Variants in ANKRD17 observed in about 807,000 individuals in gnomAD.
ANKRD17 encodes the protein ankyrin repeat domain 17, also known as ankyrin repeat domain-containing protein 17.
A neutral mutation model predicts 229.7 loss-of-function variants in ANKRD17; 19 were observed. The ratio of observed to expected loss-of-function variants is 0.08; its 90% CI spans 0.06 to 0.12. The LOEUF is 0.12. ANKRD17 is among the 10% of genes least tolerant of loss of function. The probability of loss-of-function intolerance (pLI) is 1.00; values close to 1 mark genes in which losing one functional copy is unlikely to be tolerated. For synonymous variants in ANKRD17, 1,112 were observed against 1,146.1 expected, an observed-to-expected ratio of 0.97 and a Z score of 0.60; for missense variants, 2,176 against 3,176.8, an observed-to-expected ratio of 0.68 and a Z score of 7.57.
chr4:73,158,575 A>G (rs1157096516), intron 3 of ANKRD17, among the ~76,000 whole-genome samples: 1 of 152,146 alleles, frequency 6.6e-6, no homozygotes, highest in Admixed American at 6.5e-5. Context: ...AAAATGTAAT[A>G]TGACCTCTGC....
chr4:73,149,154 C>T (rs998848218), intron 7 of ANKRD17, 104 bp from the exon 8 acceptor site: 1 of 893,426 alleles, frequency 1.1e-6, no homozygotes, highest in Non-Finnish European at 1.7e-6. Flanking sequence ...TCTATCTCCA[C>T]TCAAAAAGGA....
At position 73,148,797 on chromosome 4, in the gene ANKRD17, T is replaced by C. The variant is rs1730630071; in HGVS notation, c.1567+16A>G. On this transcript the variant is annotated intron_variant, in intron 8 of 33. Transcript: ENST00000358602. ...TTTACACATTTATACTTTAGTGTCT[T>C]GATAGATACGGTTACCTTGACCAAG... 1 of 1,603,010 alleles carries C rather than the reference T, an allele frequency of 6.2e-7. No homozygotes were observed. Among genetic ancestry groups the C allele is most frequent in the Non-Finnish European group, 8.5e-7 (1 of 1,170,194 alleles).
At chr4:73,123,474 G>T (rs577749349) in intron 18 of ANKRD17, among the ~76,000 whole-genome samples, 186 of 152,046 alleles carry the variant, frequency 1.2e-3, no homozygotes, top group African/African-American at 4.3e-3. Context: ...GACAGGCCAG[G>T]CTCCTTGTCT....
chr4:73,199,213 C>G (rs973787081), intron 1 of ANKRD17, among the ~76,000 whole-genome samples: 52 of 140,914 alleles, frequency 3.7e-4, no homozygotes, highest in Non-Finnish European at 7.6e-4. Flanking sequence ...CGAAAACATA[C>G]AGTTTGGCTG....
chr4:73,089,859 C>A (rs1033607395), intron 29 of ANKRD17, among the ~76,000 whole-genome samples: 2 of 151,998 alleles, frequency 1.3e-5, no homozygotes, highest in South Asian at 4.1e-4. Context: ...GTTTTTTAAG[C>A]ACTTAAATAT....
chr4:73,251,862 T>C (rs1482806578), intron 1 of ANKRD17, among the ~76,000 whole-genome samples: 2 of 152,228 alleles, frequency 1.3e-5, no homozygotes, highest in Middle Eastern at 3.2e-3. Flanking sequence ...CAGAAACAGA[T>C]AGTCTAGTGA....
chr4:73,094,643 C>T (rs56235322), intron 27 of ANKRD17, among the ~76,000 whole-genome samples: 14,328 of 151,156 alleles, frequency 0.095, 811 homozygotes, highest in South Asian at 0.14. Context: ...TGTGTACACA[C>T]ACACAAATGT....
Position 73,226,256 on chromosome 4 carries a change from T to C in ANKRD17, c.393+32020A>G, listed in dbSNP as rs1483974621. ...ACCCAAAGTGCTGGGATAACAGGCG[T>C]GAGCCACCGCGCCCGCCAGCATTTT... On this transcript the variant is annotated intron_variant, in intron 1 of 33. Coordinates refer to ENST00000358602, the MANE Select transcript of ANKRD17 (RefSeq NM_032217.5). Among the ~76,000 whole-genome samples the C allele has an allele frequency of 2.0e-5, 3 of 151,962 alleles. No homozygotes were observed. In the East Asian group the frequency reaches 5.8e-4, roughly 30 times the overall value.
chr4:73,155,022 C>T (rs1265006548), intron 5 of ANKRD17, among the ~76,000 whole-genome samples: 1 of 135,344 alleles, frequency 7.4e-6, no homozygotes, highest in East Asian at 2.1e-4. Flanking sequence ...GCCTGGGTGA[C>T]AGAGCGAGAC....
At chr4:73,120,072 T>C (rs1478617279) in intron 21 of ANKRD17, 90 bp downstream of exon 21, 12 of 1,371,884 alleles carry the variant, frequency 8.7e-6, no homozygotes, top group East Asian at 2.3e-5. Flanking sequence ...ATAATCACAT[T>C]TGATTTTTTA....
intron 28 of ANKRD17, among the ~76,000 whole-genome samples, chr4:73,092,926 G>C (rs988238293): frequency 4.6e-5 from 7 of 152,220 alleles, no homozygotes; most frequent in African/African-American, 2.4e-5. Context: ...TAAAACCTTA[G>C]TGCTGGATCT....
intron 18 of ANKRD17, among the ~76,000 whole-genome samples, chr4:73,122,110 G>A (rs1166024405): frequency 6.6e-6 from 1 of 152,074 alleles, no homozygotes; most frequent in African/African-American, 2.4e-5. Flanking sequence ...TTATACATGT[G>A]AATGTATTTA....
chr4:73,097,079 T>C (rs1379595595), intron 27 of ANKRD17, 38 bp downstream of exon 27: 6 of 1,593,372 alleles, frequency 3.8e-6, no homozygotes, highest in Non-Finnish European at 5.1e-6. Flanking sequence ...GACTGTGATA[T>C]ATAGCACATA....
At chr4:73,113,937 G>A in intron 23 of ANKRD17, 29 bp from the exon 24 acceptor site, 1 of 1,504,864 alleles carries the variant, frequency 6.6e-7, no homozygotes, top group Non-Finnish European at 9.2e-7. Context: ...ATTTTTCCAG[G>A]CTCACAGAAC....
At chr4:73,219,024 T>C (rs1295840603) in intron 1 of ANKRD17, among the ~76,000 whole-genome samples, 1 of 152,144 alleles carries the variant, frequency 6.6e-6, no homozygotes, top group Non-Finnish European at 1.5e-5. Context: ...TAAGAGTCAC[T>C]GCACTCCAGC....
At chr4:73,147,696 C>T (rs1730468795) in intron 8 of ANKRD17, among the ~76,000 whole-genome samples, 1 of 151,494 alleles carries the variant, frequency 6.6e-6, no homozygotes, top group African/African-American at 2.4e-5. Flanking sequence ...TAAAAGAACT[C>T]AAAAAAATAA....
intron 21 of ANKRD17, 60 bp downstream of exon 21, chr4:73,120,102 G>C: frequency 6.6e-7 from 1 of 1,510,750 alleles, no homozygotes. Context: ...ATTGCCTAGA[G>C]AGAATGATAA....
chr4:73,251,290 T>C (rs936336380), intron 1 of ANKRD17, among the ~76,000 whole-genome samples: 4 of 152,150 alleles, frequency 2.6e-5, no homozygotes, highest in African/African-American at 9.7e-5. Context: ...AAATTATAAA[T>C]CATTATAAAA....
intron 3 of ANKRD17, 126 bp from the exon 4 acceptor site, chr4:73,156,292 A>C: frequency 8.5e-7 from 1 of 1,175,704 alleles, no homozygotes; most frequent in South Asian, 1.7e-5. Context: ...GTCACCCAGG[A>C]GGGGGTACAG....
Sources: allele counts gnomAD v4.1 joint callset (sites outside exome capture counted in the v4.1 genomes callset), GRCh38; gene constraint gnomAD v4.1.1; transcripts MANE v1.5; gene names NCBI Gene and HGNC (gene_info 2026-07-23, HGNC 2026-07-21).